Variants in PLAGL1 observed in about 807,000 individuals in gnomAD.
PLAGL1 encodes PLAG1 like zinc finger 1.
A neutral mutation model predicts 4.6 loss-of-function variants in PLAGL1; 1 was observed. The ratio of observed to expected loss-of-function variants is 0.22; its 90% confidence interval spans 0.08 to 1.03. The LOEUF (loss-of-function observed/expected upper bound fraction) is 1.03, where lower values mean the gene tolerates loss of function less well. PLAGL1 is among the 50% of genes least tolerant of loss of function. The pLI is 0.58. For missense variants in PLAGL1, 464 were observed against 570.4 expected (o/e 0.81, Z 1.90); for synonymous variants, 240 against 237.8 (o/e 1.01, Z -0.08).
chr6:144,032,293 T>G (rs1166753591), intron 1 of PLAGL1, among the ~76,000 whole-genome samples: 5 of 150,562 alleles, frequency 3.3e-5, no homozygotes, highest in Non-Finnish European at 5.9e-5. Flanking sequence ...GCTTTTTTTT[T>G]TTTTTTTTTT....
intron 1 of PLAGL1, among the ~76,000 whole-genome samples, chr6:144,030,024 C>T (rs184302516): frequency 1.3e-5 from 2 of 151,946 alleles, no homozygotes; most frequent in African/African-American, 2.4e-5. Context: ...GAGGCCGAGG[C>T]GGGAGGATCA....
Position 143,993,030 on chromosome 6 carries a change from C to CG in PLAGL1, c.-583-7857dup, listed in dbSNP as rs1243858039. Among the ~76,000 whole-genome samples, 4 of 149,004 alleles carry CG rather than the reference C, an allele frequency of 2.7e-5. No homozygotes were observed. In the East Asian group the frequency reaches 8.1e-4, roughly 30 times the overall value. On this transcript the variant is annotated intron_variant, in intron 1 of 7. Coordinates refer to ENST00000674357, the MANE Select transcript of PLAGL1 (RefSeq NM_001317162.2). ...CACACAGAAAAAAACAGAAAACGGC[C>CG]GGGTGCGGTGGCTCACGCTTGTAAT...
chr6:144,010,277 C>G (rs181186572), upstream of PLAGL1, among the ~76,000 whole-genome samples: 20 of 152,244 alleles, frequency 1.3e-4, no homozygotes, highest in Admixed American at 1.2e-3. This position sits in a 1 kb window ranked among gnomAD's most constrained non-coding sequence, Gnocchi z 4.1. Context: ...AATCAATGTG[C>G]AAAAATCACA....
At chr6:144,026,520 C>G (rs1174873530) in intron 1 of PLAGL1, among the ~76,000 whole-genome samples, 1 of 152,098 alleles carries the variant, frequency 6.6e-6, no homozygotes, top group Non-Finnish European at 1.5e-5. Flanking sequence ...GATAGTCATC[C>G]CTGGCTATGA....
chr6:144,037,336 G>C (rs1797313771), intron 1 of PLAGL1: 1 of 152,250 alleles, frequency 6.6e-6, no homozygotes, highest in Admixed American at 6.6e-5. Flanking sequence ...CCAATATTTT[G>C]GGAGGCCAAC....
chr6:144,024,621 G>T (rs763418673), intron 1 of PLAGL1, among the ~76,000 whole-genome samples: 11 of 152,288 alleles, frequency 7.2e-5, no homozygotes, highest in Admixed American at 2.0e-4. Flanking sequence ...TATAAATTAA[G>T]TAGTCTTAGG....
At chr6:144,011,114 TTAAAC>T (rs1233467357), upstream of PLAGL1, among the ~76,000 whole-genome samples, 2 of 152,264 alleles carry the variant, frequency 1.3e-5, no homozygotes, top group East Asian at 1.9e-4. This position sits in a 1 kb window ranked among gnomAD's most constrained non-coding sequence, Gnocchi z 4.3. Flanking sequence ...TGGGATCTAA[TTAAAC>T]TAAAGAGCTT....
rs189497160 is a variant in PLAGL1, at chr6:143,963,522, G to A, written c.-399+1265C>T. Among the ~76,000 whole-genome samples the A allele has an allele frequency of 3.3e-5, 5 of 152,300 alleles. No homozygotes were observed. In the East Asian group the frequency reaches 9.6e-4, roughly 29 times the overall value. The stretch of plus-strand genomic sequence containing the variant: ...CCTAATACCTTCAACAACCGCATGA[G>A]TAGGTAGCATTAACCCTATTTGATT... On this transcript the variant is annotated intron_variant, in intron 5 of 7. Coordinates refer to ENST00000674357, the MANE Select transcript of PLAGL1 (RefSeq NM_001317162.2). The surrounding 1 kb of genome is among the most constrained non-coding windows in gnomAD (Gnocchi z 6.1).
chr6:143,943,202 C>T (rs1285423168), intron 7 of PLAGL1, among the ~76,000 whole-genome samples: 1 of 151,616 alleles, frequency 6.6e-6, no homozygotes, highest in Non-Finnish European at 1.5e-5. Flanking sequence ...TTAATGTATA[C>T]AGATTTCTGA....
At position 144,015,216 on chromosome 6, in the gene PLAGL1, A is replaced by G. The variant is rs1795490363; in HGVS notation, c.-150-46238T>C. 6.6e-6 allele frequency among the ~76,000 whole-genome samples: 1 copy of G among 152,220 alleles called. No homozygotes were observed. Among genetic ancestry groups the G allele is most frequent in the East Asian group, 1.9e-4 (1 of 5,200 alleles). Reference sequence around the variant, plus strand: ...AAATATCCTATTAATTTTTATATTGATTACATGTTGAAATAATATTTTAGA... The same window carrying G: ...AAATATCCTATTAATTTTTATATTGGTTACATGTTGAAATAATATTTTAGA... On this transcript the variant is annotated intron_variant, in intron 1 of 3. Coordinates refer to the PLAGL1 transcript ENST00000437412. This position sits in a 1 kb window ranked among gnomAD's most constrained non-coding sequence, Gnocchi z 4.3.
At chr6:144,025,820 G>A (rs1796302952) in intron 1 of PLAGL1, among the ~76,000 whole-genome samples, 1 of 152,084 alleles carries the variant, frequency 6.6e-6, no homozygotes, top group Admixed American at 6.5e-5. Context: ...TTGAACCCGG[G>A]AGGTGGAGGT....
At chr6:144,014,626 C>T (rs1795445123) in intron 1 of PLAGL1, among the ~76,000 whole-genome samples, 1 of 152,046 alleles carries the variant, frequency 6.6e-6, no homozygotes, top group Non-Finnish European at 1.5e-5. Flanking sequence ...GTCGCCCAGG[C>T]TGGAGTACCG....
Position 143,982,461 on chromosome 6 carries a change from G to A in PLAGL1, c.-544+2674C>T, listed in dbSNP as rs1020851182. Among the ~76,000 whole-genome samples, 4 of 152,182 alleles carry A rather than the reference G, an allele frequency of 2.6e-5. No individual in the cohort carries two copies. Among genetic ancestry groups the A allele is most frequent in the Non-Finnish European group, 4.4e-5 (3 of 68,028 alleles). The stretch of plus-strand genomic sequence containing the variant: ...TAGGAGATGATAAGCCTCCGTAAGC[G>A]AGATGGGAAGGACTGGAGACACTGG... On this transcript the variant is annotated intron_variant, in intron 2 of 7. Transcript: ENST00000674357. This position sits in a 1 kb window ranked among gnomAD's most constrained non-coding sequence, Gnocchi z 5.3.
chr6:144,012,542 A>T (rs1416613632), upstream of PLAGL1, among the ~76,000 whole-genome samples: 1 of 152,108 alleles, frequency 6.6e-6, no homozygotes, highest in East Asian at 1.9e-4. This position sits in a 1 kb window ranked among gnomAD's most constrained non-coding sequence, Gnocchi z 4.8. Flanking sequence ...TGGATGATTT[A>T]GTATTTTAAT....
At position 143,963,988 on chromosome 6, in the gene PLAGL1, C is replaced by A. The variant is rs185107976; in HGVS notation, c.-399+799G>T. ...TCTGTCTTTGTTAACAATATCTAAA[C>A]CCAGAGAAGAAATTCTGCTGGACTT... On this transcript the variant is annotated intron_variant, in intron 5 of 7. Transcript: ENST00000674357. The surrounding 1 kb of genome is among the most constrained non-coding windows in gnomAD (Gnocchi z 6.1). Among the ~76,000 whole-genome samples, 1 of 152,292 alleles carries A rather than the reference C, an allele frequency of 6.6e-6. No homozygotes were observed. The highest frequency in any genetic ancestry group is 1.9e-4 in the East Asian group (1 of 5,178).
rs899342554 is a variant in PLAGL1 at position 143,950,931 on chromosome 6, T to C, written c.-324-2471A>G. On this transcript the variant is annotated intron_variant, in intron 6 of 7. Coordinates refer to ENST00000674357, the MANE Select transcript of PLAGL1 (RefSeq NM_001317162.2). The surrounding 1 kb of genome is among the most constrained non-coding windows in gnomAD (Gnocchi z 6.3). ...CACATAGTGCCAGTGGCTGCTGTCCTGGACGGCACAGGCAGACTCTTGGTA... is the reference window on the plus strand; with the variant it reads ...CACATAGTGCCAGTGGCTGCTGTCCCGGACGGCACAGGCAGACTCTTGGTA... 6.6e-6 allele frequency among the ~76,000 whole-genome samples: 1 copy of C among 152,244 alleles called. No homozygotes were observed. Among genetic ancestry groups the C allele is most frequent in the Non-Finnish European group, 1.5e-5 (1 of 68,034 alleles).
rs914523902 is a variant in PLAGL1 at position 143,985,097 on chromosome 6, G to T, written c.-544+38C>A. On this transcript the variant is annotated intron_variant, in intron 2 of 7. Coordinates refer to ENST00000674357, the MANE Select transcript of PLAGL1 (RefSeq NM_001317162.2). This position sits in a 1 kb window ranked among gnomAD's most constrained non-coding sequence, Gnocchi z 4.4. The stretch of plus-strand genomic sequence containing the variant: ...AAGTTATTAGAGAAGACAAGGTATT[G>T]GGGGAAGAGGATAAAAGAAACTGAA... The T allele has an allele frequency of 2.6e-5, 4 of 152,164 alleles. No homozygotes were observed. Among genetic ancestry groups the T allele is most frequent in the African/African-American group, 9.6e-5 (4 of 41,456 alleles). The allele number at this position is 152,164 out of a possible 1,614,324, so 9.4% of individuals were successfully genotyped here. A position where few individuals can be genotyped will look rare whatever the true frequency, so the allele number is the denominator to read the frequency against.
chr6:143,998,069 CAA>C (rs568412359), intron 1 of PLAGL1, among the ~76,000 whole-genome samples: 37 of 152,144 alleles, frequency 2.4e-4, no homozygotes, highest in Non-Finnish European at 4.6e-4. Context: ...AAACACCAAG[CAA>C]AGTGTGGCTA....
chr6:143,998,614 C>T (rs546816151), intron 1 of PLAGL1, among the ~76,000 whole-genome samples: 2 of 152,154 alleles, frequency 1.3e-5, no homozygotes, highest in African/African-American at 2.4e-5. Context: ...AAGAACCTGA[C>T]CATCTGGAAA....
Sources: allele counts gnomAD v4.1 joint callset (sites outside exome capture counted in the v4.1 genomes callset), GRCh38; gene constraint gnomAD v4.1.1; non-coding constraint Gnocchi (gnomAD v3.1); transcripts MANE v1.5; gene names NCBI Gene and HGNC (gene_info 2026-07-23, HGNC 2026-07-21).